The following RAB38 variants were observed in gnomAD, a reference collection of about 807,000 sequenced individuals.
The protein encoded by RAB38 is RAB38, member RAS oncogene family.
In RAB38, 15 loss-of-function variants were observed where a neutral mutation model predicts 18.4. That is an observed-to-expected ratio of 0.82 (90% CI 0.55 to 1.26). The LOEUF is 1.26. Ranked by LOEUF, RAB38 falls within the 50% of genes most tolerant of loss-of-function variation. The probability of loss-of-function intolerance (pLI) is 0.00; values close to 1 mark genes in which losing one functional copy is unlikely to be tolerated. For missense variants in RAB38, 294 were observed against 267.4 expected, an observed-to-expected ratio of 1.10 and a Z score of -0.69; for synonymous variants, 101 against 104.4, an observed-to-expected ratio of 0.97 and a Z score of 0.20.
At chr11:88,098,373 T>C in the RAB38 span, among the ~76,000 whole-genome samples, 1 of 151,974 alleles carries the variant, frequency 6.6e-6, no homozygotes, top group South Asian at 2.1e-4. Context: ...AACTTAAGTC[T>C]ATATTGCAGG....
intron 2 of RAB38, among the ~76,000 whole-genome samples, chr11:88,139,615 G>A (rs1324810115): frequency 4.6e-5 from 7 of 152,108 alleles, no homozygotes; most frequent in Non-Finnish European, 8.8e-5. Context: ...ATAAATGAAC[G>A]AATAAATGAG....
the RAB38 span, among the ~76,000 whole-genome samples, chr11:87,976,309 C>T: frequency 7.3e-6 from 1 of 137,168 alleles, no homozygotes; most frequent in Non-Finnish European, 1.5e-5. Flanking sequence ...CATATATATA[C>T]ACATATACCA....
the RAB38 span, among the ~76,000 whole-genome samples, chr11:87,844,603 C>G: frequency 1.3e-5 from 2 of 152,166 alleles, no homozygotes; most frequent in Admixed American, 1.3e-4. Flanking sequence ...TAATTTATCT[C>G]AGGTTTCTTA....
chr11:88,154,959 T>G (rs1465782231), intron 1 of RAB38, among the ~76,000 whole-genome samples: 1 of 152,214 alleles, frequency 6.6e-6, no homozygotes, highest in Non-Finnish European at 1.5e-5. Context: ...GAGATTGCGG[T>G]GCAAGGATAG....
At chr11:88,133,053 T>C (rs889740093) in intron 2 of RAB38, among the ~76,000 whole-genome samples, 20 of 152,154 alleles carry the variant, frequency 1.3e-4, no homozygotes, top group Non-Finnish European at 2.8e-4. Context: ...CTAGGAAAGA[T>C]AGGTTAGAGT....
At chr11:87,837,308 G>A in the RAB38 span, among the ~76,000 whole-genome samples, 1 of 152,124 alleles carries the variant, frequency 6.6e-6, no homozygotes, top group Admixed American at 6.5e-5. Context: ...AGCTCCATGA[G>A]GGTACATCTG....
chr11:88,069,381 C>T, the RAB38 span, among the ~76,000 whole-genome samples: 1 of 152,336 alleles, frequency 6.6e-6, no homozygotes, highest in South Asian at 2.1e-4. Flanking sequence ...GGCACCAACC[C>T]CTGCTCAGTG....
At chr11:88,066,191 T>C in the RAB38 span, among the ~76,000 whole-genome samples, 9 of 152,338 alleles carry the variant, frequency 5.9e-5, no homozygotes, top group Middle Eastern at 3.4e-3. Flanking sequence ...TGGTGGTTCA[T>C]TGCATGGCAG....
the RAB38 span, among the ~76,000 whole-genome samples, chr11:88,077,236 G>T: frequency 6.6e-6 from 1 of 151,762 alleles, no homozygotes; most frequent in Non-Finnish European, 1.5e-5. Flanking sequence ...GCACTTTAAA[G>T]ATTCAATCCT....
At chr11:87,925,883 T>TTGACAC in the RAB38 span, among the ~76,000 whole-genome samples, 3 of 152,026 alleles carry the variant, frequency 2.0e-5, no homozygotes, top group African/African-American at 7.2e-5. Flanking sequence ...CACATTGATT[T>TTGACAC]TGACACGAAC....
At chr11:87,873,823 GTTTAC>G in the RAB38 span, among the ~76,000 whole-genome samples, 1 of 149,142 alleles carries the variant, frequency 6.7e-6, no homozygotes, top group African/African-American at 2.5e-5. Flanking sequence ...AATTGAATAT[GTTTAC>G]TTTTCTTTCT....
intron 2 of RAB38, among the ~76,000 whole-genome samples, chr11:88,114,930 T>C (rs577313419): frequency 1.8e-4 from 28 of 152,260 alleles, no homozygotes; most frequent in African/African-American, 5.8e-4. Context: ...CCTGGCATTA[T>C]CTAGACATTC....
the RAB38 span, among the ~76,000 whole-genome samples, chr11:88,024,897 A>G: frequency 7.3e-6 from 1 of 136,274 alleles, no homozygotes; most frequent in African/African-American, 2.5e-5. Flanking sequence ...GATGGAGATG[A>G]TTAATGGGCA....
the RAB38 span, among the ~76,000 whole-genome samples, chr11:87,909,870 C>T: frequency 6.6e-6 from 1 of 151,986 alleles, no homozygotes; most frequent in Non-Finnish European, 1.5e-5. Flanking sequence ...TTTCTATGAA[C>T]ATTCATTTAC....
intron 1 of RAB38, among the ~76,000 whole-genome samples, chr11:88,159,238 A>AAAT (rs1943160713): frequency 4.1e-5 from 5 of 121,976 alleles, no homozygotes; most frequent in African/African-American, 6.1e-5. Context: ...AATAAATAAA[A>AAAT]ATAAAATAAA....
chr11:88,009,148 T>C, the RAB38 span, among the ~76,000 whole-genome samples: 1 of 152,096 alleles, frequency 6.6e-6, no homozygotes, highest in African/African-American at 2.4e-5. Flanking sequence ...TGAAATTAGG[T>C]AATTTTAAAT....
chr11:88,099,916 A>C, the RAB38 span: 11 of 151,986 alleles, frequency 7.2e-5, no homozygotes, highest in East Asian at 1.9e-3. Flanking sequence ...AAATACTTCA[A>C]ATAGGTTATC....
chr11:87,956,318 C>T, the RAB38 span, among the ~76,000 whole-genome samples: 4 of 152,106 alleles, frequency 2.6e-5, no homozygotes, highest in Admixed American at 1.3e-4. Context: ...TAAAATTACA[C>T]AGAGCATAAC....
At chr11:88,116,062 G>A (rs557718773) in intron 2 of RAB38, among the ~76,000 whole-genome samples, 2 of 152,182 alleles carry the variant, frequency 1.3e-5, no homozygotes, top group Non-Finnish European at 2.9e-5. Flanking sequence ...CCTGTGCTTA[G>A]CATGTCTTCT....
Sources: gnomAD v4.1 joint callset for allele counts (sites outside exome capture counted in the v4.1 genomes callset) on GRCh38, gnomAD v4.1.1 for gene constraint, MANE v1.5 for transcripts, NCBI Gene and HGNC (gene_info 2026-07-23, HGNC 2026-07-21) for gene names.